PXK: variants seen among roughly 807,000 people sequenced by gnomAD.
PXK encodes PX domain-containing protein kinase-like protein.
In PXK, 35 loss-of-function variants were observed where a neutral mutation model predicts 84.7. That is an observed-to-expected ratio of 0.41 (90% CI 0.32 to 0.55). PXK has a LOEUF of 0.55. PXK is among the 20% of genes least tolerant of loss of function. PXK has a pLI of 0.21. For missense variants in PXK, 634 were observed against 699.7 expected, an observed-to-expected ratio of 0.91 and a Z score of 1.06; for synonymous variants, 253 against 260.8, an observed-to-expected ratio of 0.97 and a Z score of 0.29.
rs141670394 is a variant in PXK, at chr3:58,338,437, A to T, written c.102+5347A>T. Among the ~76,000 whole-genome samples the T allele has an allele frequency of 1.5e-4, 23 of 151,794 alleles. No homozygotes were observed. In the East Asian group the frequency reaches 4.3e-3, roughly 29 times the overall value. On this transcript the variant is annotated intron_variant, in intron 1 of 17. Transcript: ENST00000356151. ...CAGAAGTTCGAGAACAGCCTGGCCA[A>T]CGTGGTGAAACCCTGTCTCTACTAA...
rs934180652 is a variant in PXK at position 58,397,265 on chromosome 3, C to T, written c.984+65C>T. 6.5e-7 allele frequency: 1 copy of T among 1,540,914 alleles called. No individual in the cohort carries two copies. The highest frequency in any genetic ancestry group is 8.9e-7 in the Non-Finnish European group (1 of 1,121,614). ...GGTGTCAGTTATCCCCATGATCTGCCCATGTAGGAAATATGCACCAAGTAG... is the reference window on the plus strand; with the variant it reads ...GGTGTCAGTTATCCCCATGATCTGCTCATGTAGGAAATATGCACCAAGTAG... On this transcript the variant is annotated intron_variant, in intron 10 of 17. Transcript: ENST00000356151. This position sits in a 1 kb window ranked among gnomAD's most constrained non-coding sequence, Gnocchi z 4.7.
chr3:58,420,576 A>G (rs981381694), intron 17 of PXK: 1 of 1,536,066 alleles, frequency 6.5e-7, no homozygotes, highest in South Asian at 1.2e-5. Flanking sequence ...TCGGTAAAGT[A>G]AACTATGCTG....
Position 58,383,867 on chromosome 3 carries a change from GTAAT to G in PXK, c.388+1170_388+1173del, listed in dbSNP as rs1293246266. ...GAGTCCTTAAAACATTGCTTTTGAA[GTAAT>G]TAGAGAGAGGCATTTTTATTCCTAT... is the stretch of plus-strand genomic sequence containing the variant. On this transcript the variant is annotated intron_variant, in intron 4 of 17. Transcript: ENST00000356151. This position sits in a 1 kb window ranked among gnomAD's most constrained non-coding sequence, Gnocchi z 4.0. Among the ~76,000 whole-genome samples the G allele has an allele frequency of 1.3e-5, 2 of 152,170 alleles. No individual in the cohort carries two copies. The highest frequency in any genetic ancestry group is 4.8e-5 in the African/African-American group (2 of 41,448).
At chr3:58,365,081 T>C (rs949495588) in intron 1 of PXK, among the ~76,000 whole-genome samples, 8 of 152,024 alleles carry the variant, frequency 5.3e-5, no homozygotes, top group Non-Finnish European at 1.0e-4. Context: ...CTTCTTTTTC[T>C]AGGTTCTTGA....
chr3:58,399,371 A>C lies in PXK; in HGVS notation c.1175A>C (p.Gln392Pro). 1 of 1,612,488 alleles carries C rather than the reference A, an allele frequency of 6.2e-7. No homozygotes were observed. Among genetic ancestry groups the C allele is most frequent in the Non-Finnish European group, 8.5e-7 (1 of 1,178,490 alleles). ...NGMPTISRLLQMPLFSDVLLT... is the reference protein window; with the variant it reads ...NGMPTISRLLPMPLFSDVLLT... ...ATGCCTACCATCTCCCGGCTCTTACAGATGCCGTAAGTCAATCATATGCGT... is the reference window on the plus strand; with the variant it reads ...ATGCCTACCATCTCCCGGCTCTTACCGATGCCGTAAGTCAATCATATGCGT... Residue 392 changes from glutamine to proline, a missense_variant, in exon 12 of 18, where the codon CAG (glutamine) becomes CCG (proline). By Grantham distance (76) the Gln-to-Pro change is moderately conservative. This residue lies in a region of PXK where 273 missense variants were observed against 283.6 expected (regional missense o/e 0.96). Transcript: ENST00000356151. This position sits in a 1 kb window ranked among gnomAD's most constrained non-coding sequence, Gnocchi z 4.3.
intron 4 of PXK, among the ~76,000 whole-genome samples, chr3:58,387,786 T>G (rs768934639): frequency 1.3e-5 from 2 of 150,046 alleles, no homozygotes; most frequent in African/African-American, 2.5e-5. Context: ...GCACTGGGAG[T>G]GTACAGAGGA....
intron 3 of PXK, among the ~76,000 whole-genome samples, chr3:58,378,507 TTTTTTTGTGTGTGTGTGTGTGTG>T (rs1175110397): frequency 5.1e-4 from 54 of 105,102 alleles, no homozygotes; most frequent in Middle Eastern, 4.1e-3. Flanking sequence ...TTTTTTTTTT[TTTTTTTGTGTGTGTGTGTGTGTG>T]TGTGTGTGTG....
At chr3:58,338,327 A>C (rs1321238572) in intron 1 of PXK, among the ~76,000 whole-genome samples, 1 of 148,724 alleles carries the variant, frequency 6.7e-6, no homozygotes, top group African/African-American at 2.5e-5. Context: ...AAAAAAAAAA[A>C]AAAAGTTTCT....
At chr3:58,339,217 G>A (rs1022149436) in intron 1 of PXK, among the ~76,000 whole-genome samples, 2 of 137,998 alleles carry the variant, frequency 1.4e-5, no homozygotes, top group Non-Finnish European at 3.0e-5. Flanking sequence ...TTTTGTGGGG[G>A]GTTTTTTTTT....
At chr3:58,387,820 A>G (rs576650658) in intron 4 of PXK, among the ~76,000 whole-genome samples, 1 of 152,060 alleles carries the variant, frequency 6.6e-6, no homozygotes, top group Non-Finnish European at 1.5e-5. Context: ...AGAGGGAGAG[A>G]GTCCTGGCTA....
intron 6 of PXK, among the ~76,000 whole-genome samples, chr3:58,391,536 TCTTTGA>T (rs953075117): frequency 1.3e-5 from 2 of 152,140 alleles, no homozygotes; most frequent in Non-Finnish European, 2.9e-5. Context: ...TTACTTTATC[TCTTTGA>T]CTTTGAGAGT....
intron 2 of PXK, among the ~76,000 whole-genome samples, chr3:58,368,511 C>T (rs1360827223): frequency 2.0e-5 from 3 of 151,394 alleles, no homozygotes; most frequent in Non-Finnish European, 4.4e-5. Context: ...TTAGTAGAGA[C>T]GGGTTTCGCC....
chr3:58,371,269 T>C (rs1246407454), intron 3 of PXK, among the ~76,000 whole-genome samples: 2 of 152,248 alleles, frequency 1.3e-5, no homozygotes, highest in Non-Finnish European at 2.9e-5. Flanking sequence ...GTTTTATTTA[T>C]GGATTTTAAT....
chr3:58,377,155 T>C (rs1009939688), intron 3 of PXK, among the ~76,000 whole-genome samples: 1 of 152,218 alleles, frequency 6.6e-6, no homozygotes, highest in African/African-American at 2.4e-5. Context: ...GAAAATTTAC[T>C]CTGTGTATGC....
chr3:58,390,519 A>G lies in PXK; in HGVS notation c.389-63A>G, dbSNP rs2098617288. The G allele has an allele frequency of 1.5e-5, 18 of 1,234,654 alleles. No individual in the cohort carries two copies. In the South Asian group the frequency reaches 2.1e-4, roughly 14 times the overall value. The allele number at this position is 1,234,654 out of a possible 1,614,324, so 76.5% of individuals were successfully genotyped here. Reference sequence around the variant, plus strand: ...TAGGGATTTCATTTACAAGAATAATATCTTCAGCATATGGCCCTTTCCTGA... The same window carrying G: ...TAGGGATTTCATTTACAAGAATAATGTCTTCAGCATATGGCCCTTTCCTGA... On this transcript the variant is annotated intron_variant, in intron 4 of 17. Coordinates refer to ENST00000356151, the MANE Select transcript of PXK (RefSeq NM_017771.5). The surrounding 1 kb of genome is among the most constrained non-coding windows in gnomAD (Gnocchi z 4.2).
chr3:58,426,123 A>C lies in PXK; in HGVS notation c.*1163A>C, dbSNP rs2062782454. 6.6e-6 allele frequency: 1 copy of C among 152,202 alleles called. No individual in the cohort carries two copies. Among genetic ancestry groups the C allele is most frequent in the Non-Finnish European group, 1.5e-5 (1 of 68,036 alleles). 9.4% of individuals were successfully genotyped at this position (152,202 alleles called of 1,614,324 possible). A position where few individuals can be genotyped will look rare whatever the true frequency, so the allele number is the denominator to read the frequency against. On this transcript the variant is annotated 3_prime_UTR_variant, in exon 18 of 18. Transcript: ENST00000356151. The stretch of plus-strand genomic sequence containing the variant: ...TCACACAGTCTAAGGTTTCCTTCCT[A>C]CCTATCCTGTCTCTTATTCTTTTGT...
intron 1 of PXK, among the ~76,000 whole-genome samples, chr3:58,340,526 T>A (rs9817084): frequency 0.77 from 115,833 of 151,280 alleles, 44,893 homozygotes; most frequent in East Asian, 1. Context: ...CAGGAGTTTG[T>A]GACCAGCCTG....
intron 1 of PXK, among the ~76,000 whole-genome samples, chr3:58,336,943 G>A (rs35320706): frequency 0.065 from 9,899 of 152,214 alleles, 479 homozygotes; most frequent in South Asian, 0.1. Flanking sequence ...CCAAGTAGCT[G>A]GGATTACAGG....
intron 3 of PXK, among the ~76,000 whole-genome samples, chr3:58,381,555 C>CAAAAAA (rs34125797): frequency 2.5e-5 from 3 of 120,908 alleles, no homozygotes; most frequent in East Asian, 2.4e-4. Context: ...AATAGAAAAC[C>CAAAAAA]AAAAAAAAAA....
Sources: allele counts gnomAD v4.1 joint callset (sites outside exome capture counted in the v4.1 genomes callset), GRCh38; gene constraint gnomAD v4.1.1; regional missense constraint gnomAD v4.1.1; non-coding constraint Gnocchi (gnomAD v3.1); transcripts MANE v1.5; gene names NCBI Gene and HGNC (gene_info 2026-07-23, HGNC 2026-07-21).